KAT6B: variants seen among roughly 807,000 people sequenced by gnomAD.
KAT6B encodes lysine acetyltransferase 6B.
A neutral mutation model predicts 187.5 loss-of-function variants in KAT6B; 10 were observed. That is an observed-to-expected ratio of 0.05 (90% CI 0.03 to 0.09). KAT6B has a LOEUF of 0.09. Among genes scored for constraint, KAT6B ranks in the 10% least tolerant of loss-of-function variants. The pLI is 1.00. For synonymous variants in KAT6B, 861 were observed against 926.8 expected, an observed-to-expected ratio of 0.93 and a Z score of 1.29; for missense variants, 1,952 against 2,558.9, an observed-to-expected ratio of 0.76 and a Z score of 5.12.
At chr10:74,888,570 GA>G (rs1845446656) in intron 3 of KAT6B, among the ~76,000 whole-genome samples, 1 of 152,132 alleles carries the variant, frequency 6.6e-6, no homozygotes, top group Non-Finnish European at 1.5e-5. Flanking sequence ...AAATTAAAGA[GA>G]ATAATATTCT....
chr10:74,843,599 T>G (rs1841898664), intron 3 of KAT6B, 121 bp downstream of exon 3: 1 of 1,252,496 alleles, frequency 8.0e-7, no homozygotes, highest in Non-Finnish European at 1.1e-6. Flanking sequence ...ATGTTTTGCC[T>G]TAGAGCAGGC....
chr10:74,916,013 A>T (rs1411469073), intron 3 of KAT6B, among the ~76,000 whole-genome samples: 3 of 152,172 alleles, frequency 2.0e-5, no homozygotes, highest in African/African-American at 7.2e-5. Context: ...TAATACAAAA[A>T]TTAGCCGGTC....
chr10:74,918,087 A>T (rs1281102167), intron 3 of KAT6B, among the ~76,000 whole-genome samples: 1 of 152,362 alleles, frequency 6.6e-6, no homozygotes, highest in East Asian at 1.9e-4. Context: ...AAACTGCACA[A>T]CATTAAGATT....
chr10:74,876,787 C>T (rs576170614), intron 3 of KAT6B, among the ~76,000 whole-genome samples: 3 of 151,830 alleles, frequency 2.0e-5, no homozygotes, highest in Admixed American at 6.6e-5. Flanking sequence ...GTGGCGCATG[C>T]GTGTAGTCTC....
At chr10:74,826,014 G>T (rs1840176188), upstream of KAT6B, among the ~76,000 whole-genome samples, 1 of 151,980 alleles carries the variant, frequency 6.6e-6, no homozygotes, top group Non-Finnish European at 1.5e-5. Context: ...TGGCGACTGA[G>T]AACCTCGAAT....
intron 3 of KAT6B, among the ~76,000 whole-genome samples, chr10:74,941,281 T>C (rs1003321228): frequency 5.3e-5 from 8 of 152,210 alleles, no homozygotes; most frequent in Non-Finnish European, 1.0e-4. Context: ...CACATGGTTC[T>C]CTCTATTGAA....
intron 3 of KAT6B, among the ~76,000 whole-genome samples, chr10:74,957,469 C>A (rs2133483098): frequency 6.6e-6 from 1 of 152,338 alleles, no homozygotes; most frequent in East Asian, 1.9e-4. Context: ...GAACTACTAG[C>A]AACCTTTGTC....
chr10:74,847,445 C>T (rs1442800119), intron 3 of KAT6B, among the ~76,000 whole-genome samples: 1 of 151,988 alleles, frequency 6.6e-6, no homozygotes, highest in Non-Finnish European at 1.5e-5. Flanking sequence ...GGTGGATCAC[C>T]TGAGGTCAGC....
intron 3 of KAT6B, among the ~76,000 whole-genome samples, chr10:74,933,599 T>C (rs1849032730): frequency 6.6e-6 from 1 of 152,188 alleles, no homozygotes; most frequent in African/African-American, 2.4e-5. Context: ...TTTATCCCTT[T>C]AAGTGAGAAA....
rs1399984995 is a variant in KAT6B at position 74,977,320 on chromosome 10, T to C, written c.1998T>C (p.Thr666=). The C allele has an allele frequency of 4.3e-6, 7 of 1,613,076 alleles. No individual in the cohort carries two copies. Among genetic ancestry groups the C allele is most frequent in the African/African-American group, 2.7e-5 (2 of 74,912 alleles). ...TCTGCTGGTTTTAAATGACAGATAC[T>C]GAAATAAAAATAAACATCAAACAAG... ...GRIKPDQDDD[T]EIKINIKQES... Residue 666 remains threonine, a synonymous_variant, in exon 9 of 18, where the codon ACT becomes ACC. Transcript: ENST00000287239.
At chr10:75,001,495 A>G (rs1383053163) in intron 13 of KAT6B, among the ~76,000 whole-genome samples, 3 of 152,128 alleles carry the variant, frequency 2.0e-5, no homozygotes, top group African/African-American at 7.2e-5. Flanking sequence ...CTCAGAGAGA[A>G]AGCTGCTTCT....
intron 3 of KAT6B, among the ~76,000 whole-genome samples, chr10:74,902,647 T>C (rs1396648292): frequency 6.6e-6 from 1 of 152,208 alleles, no homozygotes; most frequent in African/African-American, 2.4e-5. Context: ...TTTAGAATCA[T>C]AGTGGTAACA....
intron 13 of KAT6B, among the ~76,000 whole-genome samples, chr10:75,018,996 G>A (rs982927318): frequency 6.6e-6 from 1 of 152,136 alleles, no homozygotes. Context: ...TGAGGTGTGG[G>A]CTCCCTTCAT....
chr10:74,881,861 G>A (rs1844873733), intron 3 of KAT6B, among the ~76,000 whole-genome samples: 1 of 152,118 alleles, frequency 6.6e-6, no homozygotes, highest in Admixed American at 6.5e-5. Flanking sequence ...TCGCTATGTT[G>A]CCTAGGCTCT....
At chr10:74,937,744 A>C (rs138148609) in intron 3 of KAT6B, among the ~76,000 whole-genome samples, 1 of 152,370 alleles carries the variant, frequency 6.6e-6, no homozygotes, top group East Asian at 1.9e-4. Flanking sequence ...CTAAATGCTT[A>C]CCAGAATATC....
At chr10:74,890,895 G>T (rs759989939) in intron 3 of KAT6B, among the ~76,000 whole-genome samples, 34 of 152,014 alleles carry the variant, frequency 2.2e-4, no homozygotes, top group South Asian at 4.2e-4. Context: ...GCATATAAAT[G>T]GTTGAATTTC....
rs1397506406 is a variant in KAT6B at position 74,842,812 on chromosome 10, G to T, written c.-46G>T. On this transcript the variant is annotated 5_prime_UTR_variant, in exon 3 of 18. Coordinates refer to ENST00000287239, the MANE Select transcript of KAT6B (RefSeq NM_012330.4). The stretch of plus-strand genomic sequence containing the variant: ...GTGCAAGTTCTGTTAAATACAAAGA[G>T]AACCTCTATGGGTAACTTTTGTGTT... 6.2e-7 allele frequency: 1 copy of T among 1,608,616 alleles called. No individual in the cohort carries two copies. Among genetic ancestry groups the T allele is most frequent in the Admixed American group, 1.7e-5 (1 of 60,006 alleles).
At chr10:74,980,304 C>A (rs1172267648) in intron 10 of KAT6B, among the ~76,000 whole-genome samples, 2 of 152,160 alleles carry the variant, frequency 1.3e-5, no homozygotes, top group African/African-American at 2.4e-5. Flanking sequence ...GTACACTTTA[C>A]TAGTATCTTC....
chr10:75,003,622 C>T (rs911188747), intron 13 of KAT6B, among the ~76,000 whole-genome samples: 2 of 152,206 alleles, frequency 1.3e-5, no homozygotes, highest in Admixed American at 6.5e-5. Flanking sequence ...GGATTCTAGT[C>T]TGTAATATAA....
Sources: allele counts gnomAD v4.1 joint callset (sites outside exome capture counted in the v4.1 genomes callset), GRCh38; gene constraint gnomAD v4.1.1; transcripts MANE v1.5; gene names NCBI Gene and HGNC (gene_info 2026-07-23, HGNC 2026-07-21).